Variants in SLC26A6 observed in about 807,000 individuals in gnomAD.
SLC26A6 encodes solute carrier family 26 member 6, also known as anion exchange transporter.
SLC26A6 carries 67 observed loss-of-function variants against 87.1 expected under a neutral mutation model. That is an observed-to-expected ratio of 0.77 (90% CI 0.63 to 0.94). The LOEUF is 0.94. Among genes scored for constraint, SLC26A6 ranks in the 40% least tolerant of loss-of-function variants. The probability of loss-of-function intolerance (pLI) is 0.00; values close to 1 mark genes in which losing one functional copy is unlikely to be tolerated. For synonymous variants in SLC26A6, 414 were observed against 405.9 expected, an observed-to-expected ratio of 1.02 and a Z score of -0.24; for missense variants, 902 against 973.0, an observed-to-expected ratio of 0.93 and a Z score of 0.97.
intron 19 of SLC26A6, 26 bp from the exon 20 acceptor site, chr3:48,626,380 T>C (rs367977152): frequency 6.2e-7 from 1 of 1,613,822 alleles, no homozygotes; most frequent in Non-Finnish European, 8.5e-7. Flanking sequence ...AGGCCTCCCC[T>C]GACTCTCAGA....
chr3:48,635,442 G>T lies in SLC26A6; in HGVS notation c.-49C>A. ...GCTGCTCCTGCTGCTCGAGCTAGAG[G>T]CCGCTACGCTCCGGAAGGCGGCGCC... is the stretch of plus-strand genomic sequence containing the variant. On this transcript the variant is annotated 5_prime_UTR_variant, in exon 1 of 21. Coordinates refer to ENST00000395550, the MANE Select transcript of SLC26A6 (RefSeq NM_022911.3). 7 of 1,555,816 alleles carry T rather than the reference G, an allele frequency of 4.5e-6. No homozygotes were observed. Among genetic ancestry groups the T allele is most frequent in the Non-Finnish European group, 6.1e-6 (7 of 1,152,046 alleles).
Position 48,626,647 on chromosome 3 carries a change from G to A in SLC26A6, c.2112C>T (p.Tyr704=). 6.2e-7 allele frequency: 1 copy of A among 1,614,120 alleles called. No individual in the cohort carries two copies. Among genetic ancestry groups the A allele is most frequent in the Non-Finnish European group, 8.5e-7 (1 of 1,180,024 alleles). The change falls in exon 19 of 21, where the codon TAC becomes TAT. Residue 704 remains tyrosine (Y), a synonymous_variant. Coordinates refer to ENST00000395550, the MANE Select transcript of SLC26A6 (RefSeq NM_022911.3). ...CCTACTCACTGTGGCAGGCCGCCATGTACACCTCCACCTCAATCTCCCGGA... is the reference window on the plus strand; with the variant it reads ...CCTACTCACTGTGGCAGGCCGCCATATACACCTCCACCTCAATCTCCCGGA... ...HDFREIEVEV[Y]MAACHSPVVS... is the part of the protein sequence containing the mutation.
In SLC26A6 at chr3:48,632,227, C is replaced by T. The variant is rs1167190889; in HGVS notation, c.585+18G>A. The T allele has an allele frequency of 6.3e-7, 1 of 1,582,634 alleles. No homozygotes were observed. The highest frequency in any genetic ancestry group is 1.3e-5 in the African/African-American group (1 of 74,482). ...CAGAAGTGGTGGTGGGGGGCACATA[C>T]TCCTGACTGTTCCACACCTGGAAGA... On this transcript the variant is annotated intron_variant, in intron 5 of 20. Transcript: ENST00000395550.
chr3:48,630,995 G>T lies in SLC26A6; in HGVS notation c.1132C>A (p.Gln378Lys), dbSNP rs1201461382. The T allele has an allele frequency of 6.2e-7, 1 of 1,613,760 alleles. No homozygotes were observed. Among genetic ancestry groups the T allele is most frequent in the African/African-American group, 1.3e-5 (1 of 75,052 alleles). The change falls in exon 9 of 21, where the codon CAG (glutamine) becomes AAG (lysine). Residue 378 changes from glutamine to lysine, a missense_variant and splice_region_variant. Transcript: ENST00000395550. ...TACACATCCCGCATCACCCAGACCT[G>T]GTTGCTGTCCACCCGGTAGCCGTGC... ...LRHGYRVDSN[Q>K]ELVALGLSNL... is the part of the protein sequence containing the mutation.
intron 9 of SLC26A6, 94 bp from the exon 10 acceptor site, chr3:48,630,814 C>T (rs1465404756): frequency 1.3e-6 from 2 of 1,500,392 alleles, no homozygotes; most frequent in East Asian, 2.3e-5. Context: ...AATCTCCATC[C>T]CCACCAAGTG....
Position 48,627,955 on chromosome 3 carries a change from G to A in SLC26A6, c.1884C>T (p.Cys628=), listed in dbSNP as rs1468148695. ...CCACCTCCAGTCTCACCATCATCTT[G>A]CAGTCCTCAACGTTGTTGCTCCTCA... The part of the protein sequence containing the change: ...EDMRSNNVED[C]KMMQVSSGDK... Residue 628 remains cysteine, a synonymous_variant, in exon 17 of 21, where the codon TGC becomes TGT. Transcript: ENST00000395550. 3 of 1,587,584 alleles carry A rather than the reference G, an allele frequency of 1.9e-6. No individual in the cohort carries two copies. The highest frequency in any genetic ancestry group is 2.6e-6 in the Non-Finnish European group (3 of 1,171,498).
intron 4 of SLC26A6, 52 bp from the exon 5 acceptor site, chr3:48,632,448 C>T (rs1459406131): frequency 6.3e-7 from 1 of 1,576,546 alleles, no homozygotes. Context: ...CTGCCCTGCC[C>T]TGGAGCCCTG....
At position 48,631,094 on chromosome 3, in the gene SLC26A6, C is replaced by T. The variant is rs369772881; in HGVS notation, c.1033G>A (p.Val345Met). 27 of 1,613,588 alleles carry T rather than the reference C, an allele frequency of 1.7e-5. No individual in the cohort carries two copies. The highest frequency in any genetic ancestry group is 1.0e-4 in the Admixed American group (6 of 60,004). Residue 345 changes from valine to methionine, a missense_variant, in exon 9 of 21, where the codon GTG (valine) becomes ATG (methionine). Val to Met is a conservative substitution (Grantham distance 21). Coordinates refer to ENST00000395550, the MANE Select transcript of SLC26A6 (RefSeq NM_022911.3). ...APNTQLFSKL[V>M]GSAFTIAVVG... ...ACAGCGATGGTGAAGGCGCTGCCCA[C>T]GAGCTTTGAGAACAGCTGGGTGTTG... is the stretch of plus-strand genomic sequence containing the variant.
rs1022860322 is a variant in SLC26A6, at chr3:48,630,525, G to A, written c.1249-10C>T. The stretch of plus-strand genomic sequence containing the variant: ...AGATGGCTCCAGCAACCTGTTCGGG[G>A]AGGGAGTGAGCAGGGGAGAGACCTC... On this transcript the variant is annotated splice_polypyrimidine_tract_variant and intron_variant, in intron 10 of 20. Coordinates refer to ENST00000395550, the MANE Select transcript of SLC26A6 (RefSeq NM_022911.3). The A allele has an allele frequency of 1.3e-6, 2 of 1,559,390 alleles. No homozygotes were observed. The highest frequency in any genetic ancestry group is 1.9e-5 in the Admixed American group (1 of 52,042).
rs1230554312 is a variant in SLC26A6 at position 48,629,860 on chromosome 3, TG to T, written c.1529+11del. 3.1e-6 allele frequency: 5 copies of T among 1,614,026 alleles called. No homozygotes were observed. Among genetic ancestry groups the T allele is most frequent in the Non-Finnish European group, 4.2e-6 (5 of 1,179,948 alleles). Reference sequence around the variant, plus strand: ...ACTAGCTGGAATGAGGGGACCAACATGGCGGACTCACATCTGTGTCCGGACC... The same window carrying T: ...ACTAGCTGGAATGAGGGGACCAACATGCGGACTCACATCTGTGTCCGGACC... On this transcript the variant is annotated intron_variant, in intron 13 of 20. Coordinates refer to ENST00000395550, the MANE Select transcript of SLC26A6 (RefSeq NM_022911.3).
chr3:48,631,668 A>T lies in SLC26A6; in HGVS notation c.884T>A (p.Ile295Lys), dbSNP rs1247302754. The change falls in exon 7 of 21, where the codon ATA becomes AAA. Residue 295 changes from isoleucine (I) to lysine (K), a missense_variant. Coordinates refer to ENST00000395550, the MANE Select transcript of SLC26A6 (RefSeq NM_022911.3). ...DKLQQQLPMP[I>K]PGELLTLIGA... is the part of the protein sequence containing the mutation. ...TCGAACCGTGAGCAGCTCCCCGGGT[A>T]TCGGCATGGGCAGCTGCTGCTGCAG... 1 of 1,613,292 alleles carries T rather than the reference A, an allele frequency of 6.2e-7. No individual in the cohort carries two copies. The highest frequency in any genetic ancestry group is 1.7e-5 in the Admixed American group (1 of 60,004).
At chr3:48,633,909 T>G in intron 1 of SLC26A6, 1 of 1,328,532 alleles carries the variant, frequency 7.5e-7, no homozygotes, top group Non-Finnish European at 9.7e-7. Context: ...CCAGCCGAGA[T>G]GTGGCAGCCC....
chr3:48,630,875 TC>T (rs2046768458), intron 9 of SLC26A6, 117 bp downstream of exon 9: 1 of 1,536,334 alleles, frequency 6.5e-7, no homozygotes, highest in Admixed American at 1.7e-5. Context: ...CCACCCTCAG[TC>T]CCCCACGTGG....
At position 48,626,886 on chromosome 3, in the gene SLC26A6, C is replaced by A. The variant is rs1446510210; in HGVS notation, c.2063G>T (p.Ser688Ile). Residue 688 changes from serine (S) to isoleucine (I), a missense_variant, in exon 18 of 21, where the codon AGC (serine) becomes ATC (isoleucine). By Grantham distance (142) the Ser-to-Ile change is moderately radical. This residue lies in a region of SLC26A6 where 99 missense variants were observed against 100.1 expected (regional missense o/e 0.99). Transcript: ENST00000395550. ...LSFVDTVCLK[S>I]LKNIFHDFRE... ...TGCCCCCGTCCTTACATTCTTCAGGCTCTTGAGGCACACAGTGTCCACAAA... is the reference window on the plus strand; with the variant it reads ...TGCCCCCGTCCTTACATTCTTCAGGATCTTGAGGCACACAGTGTCCACAAA... 6.2e-7 allele frequency: 1 copy of A among 1,613,398 alleles called. No homozygotes were observed. Among genetic ancestry groups the A allele is most frequent in the South Asian group, 1.1e-5 (1 of 91,018 alleles).
In SLC26A6 at chr3:48,632,020, C is replaced by T. The variant is rs374815717; in HGVS notation, c.610G>A (p.Gly204Ser). 1.8e-5 allele frequency: 29 copies of T among 1,613,132 alleles called. No individual in the cohort carries two copies. The highest frequency in any genetic ancestry group is 1.3e-4 in the African/African-American group (10 of 74,856). ...FQVGLGLIHFGFVVTYLSEPL... is the reference protein window; with the variant it reads ...FQVGLGLIHFSFVVTYLSEPL... The stretch of plus-strand genomic sequence containing the variant: ...TCTGACAGGTAGGTGACCACGAAGC[C>T]GAAGTGGATCAGGCCCAGCCCCACC... Residue 204 changes from glycine (G) to serine (S), a missense_variant, in exon 6 of 21, where the codon GGC becomes AGC. Transcript: ENST00000395550.
At chr3:48,629,240 G>A (rs1334910681) in intron 14 of SLC26A6, among the ~76,000 whole-genome samples, 2 of 152,102 alleles carry the variant, frequency 1.3e-5, no homozygotes, top group African/African-American at 4.8e-5. Flanking sequence ...CCCCACCTAT[G>A]TTCCTAGCAC....
rs1234089311 is a variant in SLC26A6 at position 48,630,496 on chromosome 3, G to A, written c.1268C>T (p.Ser423Phe). 9 of 1,561,520 alleles carry A rather than the reference G, an allele frequency of 5.8e-6. No homozygotes were observed. The Admixed American group carries it at 1.1e-4, about 20-fold the overall frequency. Residue 423 changes from serine to phenylalanine, a missense_variant, in exon 11 of 21, where the codon TCC becomes TTC. Ser to Phe is a radical substitution (Grantham distance 155, BLOSUM62 -2). Around this residue, in one of 3 missense-constraint regions of SLC26A6, gnomAD observed 800 missense variants for 856.8 expected, o/e 0.93. Transcript: ENST00000395550. ...GNSQVAGAIS[S>F]LFILLIIVKL... ...GACAATGATGAGGAGGATGAAAAGG[G>A]AAGAGATGGCTCCAGCAACCTGTTC...
In SLC26A6 at chr3:48,628,251, G is replaced by T; in HGVS notation, c.1800+183C>A. ...CTCACTGTCACTGGTTCAGATGATG[G>T]GAGAGAAAATGCTGCCTAGAGCCCG... On this transcript the variant is annotated intron_variant, in intron 16 of 20. Coordinates refer to ENST00000395550, the MANE Select transcript of SLC26A6 (RefSeq NM_022911.3). The surrounding 1 kb of genome is among the most constrained non-coding windows in gnomAD (Gnocchi z 4.4). 1 of 808,694 alleles carries T rather than the reference G, an allele frequency of 1.2e-6. No individual in the cohort carries two copies. The highest frequency in any genetic ancestry group is 1.9e-6 in the Non-Finnish European group (1 of 517,162). 50.1% of individuals were successfully genotyped at this position (808,694 alleles called of 1,614,324 possible).
Position 48,631,812 on chromosome 3 carries a change from G to C in SLC26A6, c.751-11C>G. The C allele has an allele frequency of 1.9e-6, 3 of 1,613,340 alleles. No individual in the cohort carries two copies. The highest frequency in any genetic ancestry group is 2.5e-6 in the Non-Finnish European group (3 of 1,179,944). ...GACCTCCAGCACTGTCTGAGGAGAG[G>C]CCAGGTCACAGCTAGCACTCAAGGC... On this transcript the variant is annotated splice_polypyrimidine_tract_variant and intron_variant, in intron 6 of 20. Transcript: ENST00000395550.
Sources: gnomAD v4.1 joint callset for allele counts (sites outside exome capture counted in the v4.1 genomes callset) on GRCh38, gnomAD v4.1.1 for gene constraint, gnomAD v4.1.1 regional missense constraint, Gnocchi (gnomAD v3.1) non-coding constraint, MANE v1.5 for transcripts, NCBI Gene and HGNC (gene_info 2026-07-23, HGNC 2026-07-21) for gene names.